The following APAF1 variants were observed in gnomAD, a reference collection of about 807,000 sequenced individuals.
APAF1 encodes the protein apoptotic protease-activating factor 1.
A neutral mutation model predicts 152.4 loss-of-function variants in APAF1; 91 were observed. That is an observed-to-expected ratio of 0.60 (90% CI 0.50 to 0.71). The LOEUF (loss-of-function observed/expected upper bound fraction) is 0.71. Among genes scored for constraint, APAF1 ranks in the 30% least tolerant of loss-of-function variants. The probability of loss-of-function intolerance (pLI) is 0.00; values close to 1 mark genes in which losing one functional copy is unlikely to be tolerated. For synonymous variants in APAF1, 484 were observed against 494.1 expected (o/e 0.98, Z 0.27); for missense variants, 1,283 against 1,472.0 (o/e 0.87, Z 2.10).
intron 7 of APAF1, among the ~76,000 whole-genome samples, chr12:98,665,278 A>ATATATATATATATATATATATATATAT (rs1491316422): frequency 1.2e-3 from 77 of 65,956 alleles, no homozygotes; most frequent in Admixed American, 2.1e-3. Flanking sequence ...ATATATATAT[A>ATATATATATATATATATATATATATAT]TTTTTTTTTT....
At chr12:98,656,148 G>A (rs991695552) in intron 4 of APAF1, among the ~76,000 whole-genome samples, 5 of 151,970 alleles carry the variant, frequency 3.3e-5, no homozygotes, top group Admixed American at 2.0e-4. Flanking sequence ...GGCTGGTCTC[G>A]AAATTCTGGG....
intron 11 of APAF1, 67 bp from the exon 12 acceptor site, chr12:98,671,468 A>G: frequency 6.7e-7 from 1 of 1,492,350 alleles, no homozygotes; most frequent in Non-Finnish European, 9.3e-7. Flanking sequence ...TGGCAAGATC[A>G]CAGAAATGGA....
chr12:98,723,345 A>G (rs1309627219), intron 23 of APAF1, 33 bp downstream of exon 23: 1 of 1,599,710 alleles, frequency 6.3e-7, no homozygotes, highest in African/African-American at 1.3e-5. Context: ...TTTTTGAAAA[A>G]GTATTCTCAT....
Position 98,725,511 on chromosome 12 carries a change from G to GC in APAF1, c.3428dup (p.Thr1144AsnfsTer4), listed in dbSNP as rs753678514. The GC allele has an allele frequency of 6.2e-7, 1 of 1,614,152 alleles. No homozygotes were observed. The highest frequency in any genetic ancestry group is 1.1e-5 in the South Asian group (1 of 91,074). On this transcript the variant is annotated frameshift_variant, in exon 25 of 27. Transcript: ENST00000551964. LOFTEE classifies it high-confidence loss of function. The stretch of plus-strand genomic sequence containing the variant: ...CTTCTCTGTGGACAGTACCCTGCTG[G>GC]CAACGGGAGATGACAATGGAGAAAT...
chr12:98,647,216 G>A (rs2097642172), intron 1 of APAF1, among the ~76,000 whole-genome samples: 1 of 144,980 alleles, frequency 6.9e-6, no homozygotes, highest in Non-Finnish European at 1.5e-5. Context: ...AGGAATTCAA[G>A]ACCAGCCTGG....
At chr12:98,668,457 C>G (rs1437373143) in intron 10 of APAF1, among the ~76,000 whole-genome samples, 1 of 152,136 alleles carries the variant, frequency 6.6e-6, no homozygotes, top group Non-Finnish European at 1.5e-5. Flanking sequence ...GGATAAAGCA[C>G]AGGCACAAAG....
chr12:98,717,162 C>T (rs531768947), intron 22 of APAF1, among the ~76,000 whole-genome samples: 3 of 152,162 alleles, frequency 2.0e-5, no homozygotes, highest in African/African-American at 4.8e-5. Context: ...GCCCCCGCAC[C>T]TGGCCTACTG....
intron 4 of APAF1, among the ~76,000 whole-genome samples, chr12:98,653,699 T>TAA (rs2153308735): frequency 1.1e-5 from 1 of 92,850 alleles, no homozygotes; most frequent in African/African-American, 4.0e-5. Flanking sequence ...AAAATATATA[T>TAA]ATATATATAT....
chr12:98,728,691 C>G (rs1309476344), intron 26 of APAF1, among the ~76,000 whole-genome samples: 1 of 152,156 alleles, frequency 6.6e-6, no homozygotes, highest in East Asian at 1.9e-4. Flanking sequence ...CCACTGTACT[C>G]CAGCCTGGGC....
At chr12:98,720,977 A>G (rs11109581) in intron 22 of APAF1, among the ~76,000 whole-genome samples, 3 of 116,086 alleles carry the variant, frequency 2.6e-5, no homozygotes, top group Admixed American at 8.4e-5. Flanking sequence ...AAAAAAAAAG[A>G]AAAAAAAAAT....
At chr12:98,685,599 G>T (rs968429174) in intron 15 of APAF1, among the ~76,000 whole-genome samples, 12 of 151,920 alleles carry the variant, frequency 7.9e-5, no homozygotes, top group African/African-American at 2.9e-4. Context: ...CTCCCAAAGT[G>T]CTAGGATTAC....
chr12:98,654,377 C>G (rs2097653683), intron 4 of APAF1, among the ~76,000 whole-genome samples: 1 of 152,030 alleles, frequency 6.6e-6, no homozygotes, highest in Non-Finnish European at 1.5e-5. Context: ...TATCAGGATG[C>G]TTTCTTTACC....
At chr12:98,656,342 C>G (rs991140864) in intron 4 of APAF1, among the ~76,000 whole-genome samples, 3 of 152,196 alleles carry the variant, frequency 2.0e-5, no homozygotes, top group African/African-American at 7.2e-5. Context: ...TAAGTGAAGT[C>G]TCAAGGACTT....
At chr12:98,670,363 G>C (rs2097678545) in intron 10 of APAF1, among the ~76,000 whole-genome samples, 1 of 151,958 alleles carries the variant, frequency 6.6e-6, no homozygotes, top group Non-Finnish European at 1.5e-5. Context: ...TTTTTGTTTT[G>C]TGAATTGTGG....
At chr12:98,715,682 G>T in intron 22 of APAF1, 130 bp downstream of exon 22, 1 of 1,052,540 alleles carries the variant, frequency 9.5e-7, no homozygotes, top group South Asian at 1.3e-5. Context: ...ATGTACATGG[G>T]CTTAGATGAA....
In APAF1 at chr12:98,734,571, G is replaced by C. The variant is rs2097766549; in HGVS notation, c.*2005G>C. 1 of 152,576 alleles carries C rather than the reference G, an allele frequency of 6.6e-6. No homozygotes were observed. Among genetic ancestry groups the C allele is most frequent in the African/African-American group, 2.4e-5 (1 of 41,410 alleles). 9.5% of individuals were successfully genotyped at this position (152,576 alleles called of 1,614,324 possible). ...ATAACTGTGGGGTAGGTCGGGGAGAGGGTAAGGGAATAGATCACTCAGATG... is the reference window on the plus strand; with the variant it reads ...ATAACTGTGGGGTAGGTCGGGGAGACGGTAAGGGAATAGATCACTCAGATG... On this transcript the variant is annotated 3_prime_UTR_variant, in exon 27 of 27. Coordinates refer to ENST00000551964, the MANE Select transcript of APAF1 (RefSeq NM_181861.2).
At chr12:98,728,708 G>T (rs1439043489) in intron 26 of APAF1, among the ~76,000 whole-genome samples, 2 of 152,188 alleles carry the variant, frequency 1.3e-5, no homozygotes, top group Non-Finnish European at 2.9e-5. Flanking sequence ...GGGCAACAGA[G>T]CGAGACTATC....
intron 18 of APAF1, 113 bp downstream of exon 18, chr12:98,703,612 A>T: frequency 7.3e-7 from 1 of 1,368,902 alleles, no homozygotes; most frequent in Non-Finnish European, 1.0e-6. Context: ...GAAATTATAG[A>T]GTATTTTCTT....
chr12:98,663,943 C>T (rs145646542), intron 7 of APAF1, among the ~76,000 whole-genome samples: 159 of 152,252 alleles, frequency 1.0e-3, no homozygotes, highest in African/African-American at 3.8e-3. Context: ...TAGGCATGAG[C>T]TACCATACCT....
Sources: gnomAD v4.1 joint callset for allele counts (sites outside exome capture counted in the v4.1 genomes callset) on GRCh38, gnomAD v4.1.1 for gene constraint, MANE v1.5 for transcripts, NCBI Gene and HGNC (gene_info 2026-07-23, HGNC 2026-07-21) for gene names.